Variants in DHX29 observed in about 807,000 individuals in gnomAD.
DHX29 encodes ATP-dependent RNA helicase DHX29.
A neutral mutation model predicts 167.9 loss-of-function variants in DHX29; 79 were observed. That is an observed-to-expected ratio of 0.47 (90% CI 0.39 to 0.57). The LOEUF (loss-of-function observed/expected upper bound fraction) is 0.57. Among genes scored for constraint, DHX29 ranks in the 20% least tolerant of loss-of-function variants. The probability of loss-of-function intolerance (pLI) is 0.00; values close to 1 mark genes in which losing one functional copy is unlikely to be tolerated. For missense variants in DHX29, 1,347 were observed against 1,593.4 expected (o/e 0.85, Z 2.63); for synonymous variants, 530 against 546.0 (o/e 0.97, Z 0.41).
chr5:55,307,380 C>T lies in DHX29; in HGVS notation c.187+7G>A, dbSNP rs1348173183. On this transcript the variant is annotated splice_region_variant and intron_variant, in intron 1 of 26. Coordinates refer to ENST00000251636, the MANE Select transcript of DHX29 (RefSeq NM_019030.4). ...CAGACAGCCAGGGGCTGGGGGACCT[C>T]TCGTACCTTGCTTGACACGGGGCTC... The T allele has an allele frequency of 6.2e-7, 1 of 1,612,466 alleles. No individual in the cohort carries two copies. Among genetic ancestry groups the T allele is most frequent in the Admixed American group, 1.7e-5 (1 of 59,922 alleles).
intron 21 of DHX29, among the ~76,000 whole-genome samples, chr5:55,268,286 T>G (rs1746681369): frequency 6.6e-6 from 1 of 152,238 alleles, no homozygotes; most frequent in Non-Finnish European, 1.5e-5. Flanking sequence ...ATCCATTTGT[T>G]GTTGTAGGTT....
Position 55,285,720 on chromosome 5 carries a change from G to C in DHX29, c.1208C>G (p.Pro403Arg). Residue 403 changes from proline (P) to arginine (R), a missense_variant, in exon 9 of 27, where the codon CCA becomes CGA. By Grantham distance (103) the Pro-to-Arg change is moderately radical. Coordinates refer to ENST00000251636, the MANE Select transcript of DHX29 (RefSeq NM_019030.4). ...CCTACATTTCCAGTATCTACCTACT[G>C]GAACTTTTTCAAAGGAAGGATTTGG... Reference protein sequence around the residue: ...KSPNPSFEKVPVGRYWKCRVR... With the variant: ...KSPNPSFEKVRVGRYWKCRVR... 1 of 1,582,248 alleles carries C rather than the reference G, an allele frequency of 6.3e-7. No homozygotes were observed. The highest frequency in any genetic ancestry group is 8.6e-7 in the Non-Finnish European group (1 of 1,160,306).
At chr5:55,281,867 C>T (rs1293039823) in intron 11 of DHX29, among the ~76,000 whole-genome samples, 1 of 150,934 alleles carries the variant, frequency 6.6e-6, no homozygotes, top group Non-Finnish European at 1.5e-5. Flanking sequence ...CTCACTGCAA[C>T]TTCCACCTCT....
At chr5:55,268,766 T>C (rs923659639) in intron 21 of DHX29, among the ~76,000 whole-genome samples, 29 of 152,238 alleles carry the variant, frequency 1.9e-4, no homozygotes, top group African/African-American at 7.0e-4. Flanking sequence ...CTGACATAAT[T>C]TGAGAAAAGA....
intron 3 of DHX29, among the ~76,000 whole-genome samples, chr5:55,296,958 A>C (rs1748356840): frequency 6.6e-6 from 1 of 152,200 alleles, no homozygotes; most frequent in Non-Finnish European, 1.5e-5. Flanking sequence ...CAATTCTTTC[A>C]CTTGAAAAAA....
chr5:55,264,131 TA>T (rs1217937300), intron 23 of DHX29, among the ~76,000 whole-genome samples: 5 of 148,458 alleles, frequency 3.4e-5, no homozygotes, highest in South Asian at 2.1e-4. Flanking sequence ...CCCATCTATT[TA>T]AAAAAAAAAC....
chr5:55,306,244 C>T (rs536675521), intron 1 of DHX29, among the ~76,000 whole-genome samples: 11 of 152,214 alleles, frequency 7.2e-5, no homozygotes, highest in African/African-American at 2.6e-4. Context: ...TCATTTCATC[C>T]TTTGGCGATG....
chr5:55,259,485 G>A lies in DHX29; in HGVS notation c.4057+363C>T, dbSNP rs960422918. Among the ~76,000 whole-genome samples the A allele has an allele frequency of 3.3e-5, 5 of 152,002 alleles. No individual in the cohort carries two copies. In the East Asian group the frequency reaches 9.7e-4, roughly 29 times the overall value. On this transcript the variant is annotated intron_variant, in intron 26 of 26. Transcript: ENST00000251636. ...TTTTTCTTTTTTGAGATGGAGTTTC[G>A]CTCTTGTCGCCCAGGCTGGAGTGCA...
At chr5:55,285,580 T>C in intron 9 of DHX29, 116 bp downstream of exon 9, 1 of 1,271,946 alleles carries the variant, frequency 7.9e-7, no homozygotes. Context: ...ACCTGAGATG[T>C]AGAATTGAGA....
intron 26 of DHX29, among the ~76,000 whole-genome samples, chr5:55,257,538 T>C (rs1440951180): frequency 6.6e-6 from 1 of 152,146 alleles, no homozygotes; most frequent in Non-Finnish European, 1.5e-5. Context: ...AATCTTCCCA[T>C]CTCAGCCCTC....
chr5:55,286,126 C>T (rs558531070), intron 8 of DHX29, among the ~76,000 whole-genome samples: 14 of 151,798 alleles, frequency 9.2e-5, no homozygotes, highest in Non-Finnish European at 1.8e-4. Flanking sequence ...TGGTGGCGGG[C>T]GCCTGTAGTC....
chr5:55,267,173 T>G lies in DHX29; in HGVS notation c.3490A>C (p.Asn1164His). The change falls in exon 23 of 27, where the codon AAC becomes CAC. Residue 1164 changes from asparagine to histidine, a missense_variant. Physicochemically the swap from Asn to His is moderately conservative, Grantham distance 68. Transcript: ENST00000251636. ...AACAGTGATGTTCTATTAAGAAAGTTCCTCCGGCAGTATGTGATTTCAGAA... is the reference window on the plus strand; with the variant it reads ...AACAGTGATGTTCTATTAAGAAAGTGCCTCCGGCAGTATGTGATTTCAGAA... ...YRSEITYCRR[N>H]FLNRTSLLTL... is the part of the protein sequence containing the mutation. 1 of 1,613,144 alleles carries G rather than the reference T, an allele frequency of 6.2e-7. No homozygotes were observed. Among genetic ancestry groups the G allele is most frequent in the Non-Finnish European group, 8.5e-7 (1 of 1,179,472 alleles).
At chr5:55,290,129 CAT>C in intron 7 of DHX29, 87 bp downstream of exon 7, 1 of 1,428,726 alleles carries the variant, frequency 7.0e-7, no homozygotes, top group Non-Finnish European at 9.5e-7. Flanking sequence ...AAAGGGTAGA[CAT>C]ATTAAAAGGA....
chr5:55,297,715 C>T (rs1459514983), intron 2 of DHX29, among the ~76,000 whole-genome samples: 1 of 152,214 alleles, frequency 6.6e-6, no homozygotes, highest in Admixed American at 6.5e-5. Context: ...CCCAAACATA[C>T]TGAATCAGAA....
chr5:55,258,323 A>G (rs534355804), intron 26 of DHX29, among the ~76,000 whole-genome samples: 1 of 152,326 alleles, frequency 6.6e-6, no homozygotes, highest in East Asian at 1.9e-4. Context: ...TATGTAACTA[A>G]CCAAATCCTA....
intron 22 of DHX29, 121 bp downstream of exon 22, chr5:55,267,565 A>G (rs1419803307): frequency 4.6e-6 from 4 of 861,018 alleles, no homozygotes; most frequent in Non-Finnish European, 6.6e-6. Flanking sequence ...TTGACAGATG[A>G]AATAACTAAA....
chr5:55,272,133 G>A lies in DHX29; in HGVS notation c.2818C>T (p.Pro940Ser). 1 of 1,581,044 alleles carries A rather than the reference G, an allele frequency of 6.3e-7. No individual in the cohort carries two copies. The highest frequency in any genetic ancestry group is 8.6e-7 in the Non-Finnish European group (1 of 1,166,926). ...GTATCAATTACAAATACAACATCAG[G>A]AATAGTGATACCCGTCTCTGCAATA... Reference protein sequence around the residue: ...TNIAETGITIPDVVFVIDTGR... With the variant: ...TNIAETGITISDVVFVIDTGR... Residue 940 changes from proline (P) to serine (S), a missense_variant, in exon 18 of 27, where the codon CCT (proline) becomes TCT (serine). Pro to Ser is a moderately conservative substitution (Grantham distance 74). Transcript: ENST00000251636.
chr5:55,305,018 A>G (rs1175060997), intron 1 of DHX29, among the ~76,000 whole-genome samples: 1 of 152,214 alleles, frequency 6.6e-6, no homozygotes, highest in African/African-American at 2.4e-5. Flanking sequence ...CTTGGTCTTA[A>G]TAATTCCTTT....
chr5:55,285,459 A>G (rs775924226), intron 9 of DHX29, 43 bp from the exon 10 acceptor site: 4 of 1,542,860 alleles, frequency 2.6e-6, no homozygotes, highest in Non-Finnish European at 3.5e-6. Flanking sequence ...AAGTTGACAA[A>G]GTCAGATAAA....
Sources: gnomAD v4.1 joint callset for allele counts (sites outside exome capture counted in the v4.1 genomes callset) on GRCh38, gnomAD v4.1.1 for gene constraint, MANE v1.5 for transcripts, NCBI Gene and HGNC (gene_info 2026-07-23, HGNC 2026-07-21) for gene names.